DYNC1I1: variants seen among roughly 807,000 people sequenced by gnomAD.
DYNC1I1 encodes the protein dynein cytoplasmic 1 intermediate chain 1, also known as cytoplasmic dynein 1 intermediate chain 1.
A neutral mutation model predicts 86.6 loss-of-function variants in DYNC1I1; 43 were observed. That is an observed-to-expected ratio of 0.50 (90% CI 0.39 to 0.64). The LOEUF is 0.64. DYNC1I1 is among the 30% of genes least tolerant of loss of function. The pLI, the probability that DYNC1I1 is intolerant of heterozygous loss-of-function variation, is 0.00. For synonymous variants in DYNC1I1, 262 were observed against 283.7 expected, an observed-to-expected ratio of 0.92 and a Z score of 0.77; for missense variants, 604 against 788.8, an observed-to-expected ratio of 0.77 and a Z score of 2.81.
intron 14 of DYNC1I1, among the ~76,000 whole-genome samples, chr7:96,067,101 A>C (rs1347945517): frequency 6.6e-6 from 1 of 152,154 alleles, no homozygotes; most frequent in Non-Finnish European, 1.5e-5. Context: ...ATTTTGGTAA[A>C]TGTTCAAAAT....
chr7:96,051,276 C>T (rs1203291768), intron 14 of DYNC1I1, among the ~76,000 whole-genome samples: 3 of 152,114 alleles, frequency 2.0e-5, no homozygotes, highest in Admixed American at 1.3e-4. Flanking sequence ...ATGTATTTGC[C>T]AGGTCAGTCC....
At chr7:95,861,473 C>T (rs528903681) in intron 5 of DYNC1I1, among the ~76,000 whole-genome samples, 84 of 152,230 alleles carry the variant, frequency 5.5e-4, no homozygotes, top group Middle Eastern at 3.4e-3. Flanking sequence ...CTCTGATATG[C>T]GCCTTTATTT....
chr7:95,979,735 G>A (rs978220125), intron 7 of DYNC1I1, among the ~76,000 whole-genome samples: 1 of 152,220 alleles, frequency 6.6e-6, no homozygotes, highest in Admixed American at 6.5e-5. Context: ...AAGTTCTAGG[G>A]TGTGACTAAG....
rs1794728216 is a variant in DYNC1I1 at position 96,028,225 on chromosome 7, T to G, written c.1020T>G (p.Val340=). The G allele has an allele frequency of 6.2e-7, 1 of 1,613,794 alleles. No individual in the cohort carries two copies. The highest frequency in any genetic ancestry group is 1.3e-5 in the African/African-American group (1 of 74,876). Residue 340 remains valine (V), a synonymous_variant, in exon 11 of 17, where the codon GTT becomes GTG. Transcript: ENST00000447467. ...CFARFHPNLV[V]GGTYSGQIVL... is the part of the protein sequence containing the mutation. ...CCCGTTTCCATCCTAACTTGGTGGT[T>G]GGTGGGACTTACTCGGGCCAGATTG...
At chr7:95,903,387 C>T (rs761309433) in intron 6 of DYNC1I1, among the ~76,000 whole-genome samples, 1 of 152,134 alleles carries the variant, frequency 6.6e-6, no homozygotes, top group Admixed American at 6.6e-5. Flanking sequence ...TCTGAAGCAT[C>T]CTTTTCTACC....
chr7:95,853,443 T>TA (rs1789633776), intron 5 of DYNC1I1, among the ~76,000 whole-genome samples: 1 of 152,200 alleles, frequency 6.6e-6, no homozygotes, highest in Non-Finnish European at 1.5e-5. Flanking sequence ...TCCTCAATCT[T>TA]AGACATCCCA....
intron 16 of DYNC1I1, among the ~76,000 whole-genome samples, chr7:96,107,052 C>T (rs10250928): frequency 6.6e-6 from 1 of 151,210 alleles, no homozygotes; most frequent in Non-Finnish European, 1.5e-5. Flanking sequence ...TTTTTGACAG[C>T]GTCTCACTTG....
At chr7:95,816,531 GT>G (rs1331962894) in intron 4 of DYNC1I1, among the ~76,000 whole-genome samples, 1 of 152,000 alleles carries the variant, frequency 6.6e-6, no homozygotes, top group Non-Finnish European at 1.5e-5. Context: ...CTCCTGATCG[GT>G]TTTGGTAGAA....
intron 11 of DYNC1I1, among the ~76,000 whole-genome samples, chr7:96,029,895 A>G (rs1368113363): frequency 1.3e-5 from 2 of 151,386 alleles, no homozygotes; most frequent in Non-Finnish European, 2.9e-5. Flanking sequence ...TGGGCAACAG[A>G]GGGAGACTTC....
chr7:96,054,947 T>A (rs1442113484), intron 14 of DYNC1I1, among the ~76,000 whole-genome samples: 1 of 152,246 alleles, frequency 6.6e-6, no homozygotes, highest in Non-Finnish European at 1.5e-5. Context: ...TTTCTTTGGC[T>A]GTGCAGAAGT....
chr7:95,991,435 T>C (rs1793727141), intron 9 of DYNC1I1, among the ~76,000 whole-genome samples: 1 of 152,194 alleles, frequency 6.6e-6, no homozygotes, highest in African/African-American at 2.4e-5. Context: ...AGGGAATTCA[T>C]GAAAAAGATG....
chr7:95,901,456 C>T (rs998709966), intron 6 of DYNC1I1, among the ~76,000 whole-genome samples: 1 of 152,210 alleles, frequency 6.6e-6, no homozygotes, highest in Non-Finnish European at 1.5e-5. Flanking sequence ...ATTCTTCAGA[C>T]TGAAGCAGGG....
At chr7:96,031,457 A>G (rs1349160179) in intron 11 of DYNC1I1, among the ~76,000 whole-genome samples, 1 of 152,080 alleles carries the variant, frequency 6.6e-6, no homozygotes, top group Non-Finnish European at 1.5e-5. Context: ...ATCTCCTTGA[A>G]CTTTCTTTAT....
At position 95,945,123 on chromosome 7, in the gene DYNC1I1, G is replaced by A. The variant is rs1792362990; in HGVS notation, c.491-32389G>A. On this transcript the variant is annotated intron_variant, in intron 6 of 16. Coordinates refer to ENST00000447467, the MANE Select transcript of DYNC1I1 (RefSeq NM_001135556.2). ...TTTTAATACAAATGTTTTGAGGATA[G>A]TGTGATGTTAATCAGATGCATTTAT... 6.6e-5 allele frequency among the ~76,000 whole-genome samples: 10 copies of A among 151,866 alleles called. 1 individual carries two copies. The South Asian group carries it at 1.9e-3, about 28-fold the overall frequency.
intron 4 of DYNC1I1, among the ~76,000 whole-genome samples, chr7:95,815,234 A>T (rs2115854450): frequency 6.6e-6 from 1 of 152,204 alleles, no homozygotes; most frequent in South Asian, 2.1e-4. Flanking sequence ...TCTCCTTCTT[A>T]GGTGATTTTT....
chr7:95,987,090 C>A lies in DYNC1I1; in HGVS notation c.778C>A (p.Arg260Ser). The A allele has an allele frequency of 1.2e-6, 2 of 1,613,912 alleles. No homozygotes were observed. The highest frequency in any genetic ancestry group is 1.7e-6 in the Non-Finnish European group (2 of 1,179,886). Residue 260 changes from arginine (R) to serine (S), a missense_variant, in exon 9 of 17, where the codon CGT becomes AGT. Transcript: ENST00000447467. Reference sequence around the variant, plus strand: ...GGCTGGAGCCAATCTTTCTTTCAATCGTCAGTTCTATGATGAACATTGGTC... The same window carrying A: ...GGCTGGAGCCAATCTTTCTTTCAATAGTCAGTTCTATGATGAACATTGGTC... The part of the protein sequence containing the change: ...VQAGANLSFN[R>S]QFYDEHWSKH...
At chr7:96,091,694 T>C (rs975997614) in intron 16 of DYNC1I1, among the ~76,000 whole-genome samples, 4 of 152,180 alleles carry the variant, frequency 2.6e-5, no homozygotes, top group African/African-American at 9.6e-5. Context: ...TACTAAAAAA[T>C]GAGGAAGGTT....
rs1478277175 is a variant in DYNC1I1, at chr7:95,941,144, A to G, written c.491-36368A>G. Among the ~76,000 whole-genome samples the G allele has an allele frequency of 3.9e-5, 6 of 152,042 alleles. No individual in the cohort carries two copies. In the South Asian group the frequency reaches 6.3e-4, roughly 16 times the overall value. On this transcript the variant is annotated intron_variant, in intron 6 of 16. Coordinates refer to ENST00000447467, the MANE Select transcript of DYNC1I1 (RefSeq NM_001135556.2). ...CGTGAACCGCCTATGCTGCTGTCTG[A>G]TTGTTCCTCTGGAAGTTTTGTCTCA...
rs552599263 is a variant in DYNC1I1, at chr7:95,870,132, G to A, written c.490+134G>A. The A allele has an allele frequency of 1.5e-5, 11 of 744,348 alleles. No homozygotes were observed. In the East Asian group the frequency reaches 3.1e-4, roughly 21 times the overall value. 46.1% of individuals were successfully genotyped at this position (744,348 alleles called of 1,614,324 possible). ...AAACATAATGACACTGAAAGCCAAAGCCTCTTCTGAGTTTGAAAGCTATGG... is the reference window on the plus strand; with the variant it reads ...AAACATAATGACACTGAAAGCCAAAACCTCTTCTGAGTTTGAAAGCTATGG... On this transcript the variant is annotated intron_variant, in intron 6 of 16. Coordinates refer to ENST00000447467, the MANE Select transcript of DYNC1I1 (RefSeq NM_001135556.2).
Sources: gnomAD v4.1 joint callset for allele counts (sites outside exome capture counted in the v4.1 genomes callset) on GRCh38, gnomAD v4.1.1 for gene constraint, MANE v1.5 for transcripts, NCBI Gene and HGNC (gene_info 2026-07-23, HGNC 2026-07-21) for gene names.